Variants in NEK1 observed in about 807,000 individuals in gnomAD.
The protein encoded by NEK1 is NIMA related kinase 1.
NEK1 carries 137 observed loss-of-function variants against 182.1 expected under a neutral mutation model. That is an observed-to-expected ratio of 0.75 (90% confidence interval 0.65 to 0.87). The LOEUF is 0.87. Ranked by LOEUF, NEK1 falls within the 40% of genes least tolerant of loss-of-function variation. NEK1 has a pLI of 0.00. For synonymous variants in NEK1, 513 were observed against 492.2 expected (o/e 1.04, Z -0.56); for missense variants, 1,391 against 1,494.4 (o/e 0.93, Z 1.14).
chr4:169,585,983 T>C (rs1016201502), intron 9 of NEK1, among the ~76,000 whole-genome samples: 2 of 152,092 alleles, frequency 1.3e-5, no homozygotes, highest in African/African-American at 4.8e-5. Flanking sequence ...TGGGGGAAAA[T>C]ATAATAAATA....
At chr4:169,421,213 A>T (rs1009594532) in intron 31 of NEK1, among the ~76,000 whole-genome samples, 1 of 152,200 alleles carries the variant, frequency 6.6e-6, no homozygotes, top group African/African-American at 2.4e-5. Context: ...CCTTTTCAGT[A>T]ATTGATAAGT....
chr4:169,602,149 A>G, intron 3 of NEK1, 45 bp from the exon 4 acceptor site: 1 of 1,376,072 alleles, frequency 7.3e-7, no homozygotes. Context: ...ACCATTAATA[A>G]ACAACCTAAA....
chr4:169,546,916 G>C (rs1760566959), intron 18 of NEK1, among the ~76,000 whole-genome samples: 2 of 152,122 alleles, frequency 1.3e-5, no homozygotes, highest in Non-Finnish European at 2.9e-5. Flanking sequence ...GATGGGTCTT[G>C]ACTCTTTATC....
chr4:169,564,575 G>T (rs1382640094), intron 12 of NEK1, among the ~76,000 whole-genome samples: 2 of 152,036 alleles, frequency 1.3e-5, no homozygotes, highest in Middle Eastern at 3.4e-3. Context: ...CATCATTTTT[G>T]AAATAAATGT....
intron 12 of NEK1, among the ~76,000 whole-genome samples, chr4:169,570,100 T>C (rs1391535992): frequency 6.8e-5 from 10 of 146,612 alleles, no homozygotes; most frequent in East Asian, 6.2e-4. Flanking sequence ...CGTCTCTGCC[T>C]GGCCGCCCAT....
intron 31 of NEK1, among the ~76,000 whole-genome samples, chr4:169,415,193 A>G (rs1338681149): frequency 6.6e-6 from 1 of 152,210 alleles, no homozygotes; most frequent in Non-Finnish European, 1.5e-5. Context: ...GAAAACAACA[A>G]TTTTAGACTA....
At chr4:169,560,743 C>T (rs1389969024) in intron 16 of NEK1, among the ~76,000 whole-genome samples, 1 of 151,398 alleles carries the variant, frequency 6.6e-6, no homozygotes, top group Non-Finnish European at 1.5e-5. Flanking sequence ...ACTATAGAAG[C>T]CCTTGCCAGA....
intron 16 of NEK1, among the ~76,000 whole-genome samples, chr4:169,561,276 G>A (rs1762858807): frequency 6.6e-6 from 1 of 152,142 alleles, no homozygotes; most frequent in Non-Finnish European, 1.5e-5. Context: ...GCAATTTTGA[G>A]TATAGTCACA....
intron 9 of NEK1, among the ~76,000 whole-genome samples, chr4:169,585,892 C>G (rs932646835): frequency 1.3e-5 from 2 of 152,108 alleles, no homozygotes; most frequent in Non-Finnish European, 2.9e-5. Flanking sequence ...GAACAACCTG[C>G]TGGTCTTCAT....
intron 18 of NEK1, among the ~76,000 whole-genome samples, chr4:169,545,982 A>T (rs1207413346): frequency 6.6e-6 from 1 of 152,178 alleles, no homozygotes; most frequent in Admixed American, 6.5e-5. Flanking sequence ...ATATCGTGAA[A>T]ATGGCCATAC....
At chr4:169,417,179 A>C (rs933564540) in intron 31 of NEK1, among the ~76,000 whole-genome samples, 17 of 152,212 alleles carry the variant, frequency 1.1e-4, no homozygotes, top group African/African-American at 3.6e-4. Context: ...AGCTCATTTC[A>C]GGCCAGGGTA....
At chr4:169,426,286 A>T (rs1736379349) in intron 29 of NEK1, 52 bp from the exon 30 acceptor site, 7 of 1,433,152 alleles carry the variant, frequency 4.9e-6, no homozygotes, top group Non-Finnish European at 5.8e-6. Flanking sequence ...GTTTACCAGA[A>T]ATAAAAGTGC....
intron 26 of NEK1, among the ~76,000 whole-genome samples, chr4:169,463,903 G>C (rs370882388): frequency 6.6e-6 from 1 of 152,078 alleles, no homozygotes; most frequent in Non-Finnish European, 1.5e-5. Context: ...AAAGTGCTGG[G>C]ATTATAGGTG....
chr4:169,602,972 G>A (rs944952527), intron 2 of NEK1, among the ~76,000 whole-genome samples: 2 of 152,044 alleles, frequency 1.3e-5, no homozygotes, highest in South Asian at 4.1e-4. Flanking sequence ...TTAATTAGTA[G>A]CATTACTTTA....
intron 5 of NEK1, among the ~76,000 whole-genome samples, chr4:169,592,817 G>C (rs965753362): frequency 6.6e-6 from 1 of 151,930 alleles, no homozygotes; most frequent in Non-Finnish European, 1.5e-5. Flanking sequence ...ATCAAAAACA[G>C]TTCTCTAAGG....
At chr4:169,580,394 G>A (rs1766421392) in intron 11 of NEK1, among the ~76,000 whole-genome samples, 1 of 150,218 alleles carries the variant, frequency 6.7e-6, no homozygotes, top group African/African-American at 2.5e-5. Context: ...GCTACTCGGA[G>A]GCTGAGGCAA....
intron 19 of NEK1, among the ~76,000 whole-genome samples, chr4:169,531,081 G>A (rs576163328): frequency 6.6e-6 from 1 of 151,862 alleles, no homozygotes; most frequent in South Asian, 2.1e-4. Context: ...GGCATTTAAA[G>A]ACTGAGAAGA....
chr4:169,427,303 T>C (rs1736567302), intron 29 of NEK1, among the ~76,000 whole-genome samples: 1 of 151,976 alleles, frequency 6.6e-6, no homozygotes, highest in East Asian at 1.9e-4. Context: ...ATTTTTTATA[T>C]TTTTAGTAGA....
intron 27 of NEK1, among the ~76,000 whole-genome samples, chr4:169,439,718 C>T (rs559078050): frequency 6.6e-6 from 1 of 151,930 alleles, no homozygotes; most frequent in South Asian, 2.1e-4. Flanking sequence ...ACATTTGGAA[C>T]ATCTAATATC....
Sources: gnomAD v4.1 joint callset for allele counts (sites outside exome capture counted in the v4.1 genomes callset) on GRCh38, gnomAD v4.1.1 for gene constraint, MANE v1.5 for transcripts, NCBI Gene and HGNC (gene_info 2026-07-23, HGNC 2026-07-21) for gene names.